C2orf72: variants seen among roughly 807,000 people sequenced by gnomAD.
C2orf72 encodes the protein chromosome 2 open reading frame 72.
Under a neutral mutation model 14.4 loss-of-function variants are expected in C2orf72, and 16 were observed. That is an observed-to-expected ratio of 1.11 (90% CI 0.75 to 1.69). The LOEUF (loss-of-function observed/expected upper bound fraction) is 1.69, where lower values mean the gene tolerates loss of function less well. Among genes scored for constraint, C2orf72 ranks in the 40% most tolerant of loss-of-function variants. C2orf72 has a pLI of 0.00. For missense variants in C2orf72, 371 were observed against 358.3 expected, an observed-to-expected ratio of 1.04 and a Z score of -0.29; for synonymous variants, 168 against 176.8, an observed-to-expected ratio of 0.95 and a Z score of 0.40.
chr2:231,041,957 G>A (rs1250476605), intron 2 of C2orf72, among the ~76,000 whole-genome samples: 1 of 152,142 alleles, frequency 6.6e-6, no homozygotes, highest in Non-Finnish European at 1.5e-5. Context: ...TGTCCCAGAT[G>A]TGCAGCCTTC....
At position 231,038,003 on chromosome 2, in the gene C2orf72, G is replaced by A; in HGVS notation, c.438G>A (p.Leu146=). The A allele has an allele frequency of 9.5e-7, 1 of 1,050,510 alleles. No individual in the cohort carries two copies. Among genetic ancestry groups the A allele is most frequent in the Non-Finnish European group, 1.1e-6 (1 of 875,540 alleles). The allele number at this position is 1,050,510 out of a possible 1,614,324, so 65.1% of individuals were successfully genotyped here. Residue 146 remains leucine, a synonymous_variant, in exon 1 of 3, where the codon CTG becomes CTA. Transcript: ENST00000373640. ...RRAGAALVGV[L]VAEAGPEDAV... is the part of the protein sequence containing the mutation. ...CCGGGGCGGCGCTGGTCGGGGTGCT[G>A]GTGGCCGAGGCCGGGCCAGAGGACG...
Position 231,047,024 on chromosome 2 carries a change from GC to G in C2orf72, c.*4del. ...AGCCCACCGGAGACTCAAGATGAAG[GC>G]TGGACCCTTGCGCTGTCCCTGGCTC... On this transcript the variant is annotated 3_prime_UTR_variant, in exon 3 of 3. Coordinates refer to ENST00000373640, the MANE Select transcript of C2orf72 (RefSeq NM_001144994.2). 6.4e-7 allele frequency: 1 copy of G among 1,551,644 alleles called. No individual in the cohort carries two copies. The highest frequency in any genetic ancestry group is 8.7e-7 in the Non-Finnish European group (1 of 1,146,978).
Position 231,047,266 on chromosome 2 carries a change from T to G in C2orf72, c.*245T>G. On this transcript the variant is annotated 3_prime_UTR_variant, in exon 3 of 3. Transcript: ENST00000373640. ...CTGATCACAGGGAGGTTATTTTGTC[T>G]CTCTGTCTCGGTTTCTCTGAGCCAC... 1 of 592,962 alleles carries G rather than the reference T, an allele frequency of 1.7e-6. No individual in the cohort carries two copies. Among genetic ancestry groups the G allele is most frequent in the Non-Finnish European group, 3.1e-6 (1 of 319,942 alleles). The allele number at this position is 592,962 out of a possible 1,614,324, so 36.7% of individuals were successfully genotyped here.
chr2:231,047,897 T>C lies in C2orf72; in HGVS notation c.*876T>C, dbSNP rs1398577038. ...CCGGTGAGAACAAAGAGCCTCTTTC[T>C]TTCTCATGTTGACATCGACTTTCTG... On this transcript the variant is annotated 3_prime_UTR_variant, in exon 3 of 3. Coordinates refer to ENST00000373640, the MANE Select transcript of C2orf72 (RefSeq NM_001144994.2). 6.6e-6 allele frequency: 1 copy of C among 152,402 alleles called. No homozygotes were observed. Among genetic ancestry groups the C allele is most frequent in the Non-Finnish European group, 1.5e-5 (1 of 68,178 alleles). The allele number at this position is 152,402 out of a possible 1,614,324, so 9.4% of individuals were successfully genotyped here. A position where few individuals can be genotyped will look rare whatever the true frequency, so the allele number is the denominator to read the frequency against.
intron 2 of C2orf72, among the ~76,000 whole-genome samples, chr2:231,046,291 A>AGTGTGTGTGTGT (rs34513584): frequency 2.9e-5 from 4 of 136,278 alleles, no homozygotes; most frequent in South Asian, 2.6e-4. Context: ...ACTTCTATGC[A>AGTGTGTGTGTGT]GTGTGTGTGT....
At chr2:231,046,277 T>A (rs1418191242) in intron 2 of C2orf72, among the ~76,000 whole-genome samples, 2 of 150,666 alleles carry the variant, frequency 1.3e-5, no homozygotes, top group Non-Finnish European at 2.9e-5. Context: ...ATTTCCCCAA[T>A]TTTACTTCTA....
rs1693278932 is a variant in C2orf72 at position 231,037,919 on chromosome 2, CCGGGAGCCGCGGCGCCGCCTG to C, written c.361_381del (p.Pro121_Glu127del). 9.7e-7 allele frequency: 1 copy of C among 1,026,928 alleles called. No homozygotes were observed. Among genetic ancestry groups the C allele is most frequent in the African/African-American group, 1.8e-5 (1 of 56,878 alleles). 63.6% of individuals were successfully genotyped at this position (1,026,928 alleles called of 1,614,324 possible). ...TGTGCCGCGCGTCGTCGCTGGCCGC[CCGGGAGCCGCGGCGCCGCCTG>C]CGGGAGATGCTGCGGGACGTGCGCG... is the stretch of plus-strand genomic sequence containing the variant. On this transcript the variant is annotated inframe_deletion, in exon 1 of 3. Transcript: ENST00000373640.
At chr2:231,041,572 G>A (rs1693340494) in intron 2 of C2orf72, among the ~76,000 whole-genome samples, 163 bp downstream of exon 2, 1 of 152,148 alleles carries the variant, frequency 6.6e-6, no homozygotes, top group South Asian at 2.1e-4. Flanking sequence ...CCATATGCCA[G>A]GCAGTGGGCA....
At chr2:231,040,283 G>T (rs75689244) in intron 1 of C2orf72, among the ~76,000 whole-genome samples, 5,760 of 152,200 alleles carry the variant, frequency 0.038, 282 homozygotes, top group South Asian at 0.19. Context: ...ACATGATTTT[G>T]TTCCCTTGTG....
chr2:231,042,948 G>A (rs1241761819), intron 2 of C2orf72, among the ~76,000 whole-genome samples: 4 of 152,248 alleles, frequency 2.6e-5, no homozygotes, highest in Non-Finnish European at 5.9e-5. Context: ...AGGTTGCAGT[G>A]AGCCAAGGTT....
At chr2:231,046,291 AGTGTGTGTGTGTGT>A (rs34513584) in intron 2 of C2orf72, among the ~76,000 whole-genome samples, 147 of 136,278 alleles carry the variant, frequency 1.1e-3, no homozygotes, top group African/African-American at 1.9e-3. Flanking sequence ...ACTTCTATGC[AGTGTGTGTGTGTGT>A]GTGTGTGTGT....
chr2:231,039,347 T>G (rs917333440), intron 1 of C2orf72, among the ~76,000 whole-genome samples: 2 of 145,346 alleles, frequency 1.4e-5, no homozygotes, highest in African/African-American at 5.0e-5. Context: ...AAAGAGTAGC[T>G]GCATCTGGCA....
intron 2 of C2orf72, among the ~76,000 whole-genome samples, chr2:231,042,268 C>A (rs920453179): frequency 6.6e-6 from 1 of 152,084 alleles, no homozygotes; most frequent in Non-Finnish European, 1.5e-5. Context: ...CGCACTGATC[C>A]CCCCCTTATC....
At position 231,047,072 on chromosome 2, in the gene C2orf72, G is replaced by T. The variant is rs1206419532; in HGVS notation, c.*51G>T. On this transcript the variant is annotated 3_prime_UTR_variant, in exon 3 of 3. Transcript: ENST00000373640. ...GCTCTAACCTACAGACTGGGGCCTG[G>T]CTCCGTCTTACTGGCCCCCAGGTCT... is the stretch of plus-strand genomic sequence containing the variant. 1.3e-6 allele frequency: 2 copies of T among 1,549,598 alleles called. No homozygotes were observed. Among genetic ancestry groups the T allele is most frequent in the Non-Finnish European group, 1.7e-6 (2 of 1,145,498 alleles).
At chr2:231,044,574 T>C (rs1481131496) in intron 2 of C2orf72, among the ~76,000 whole-genome samples, 1 of 152,030 alleles carries the variant, frequency 6.6e-6, no homozygotes, top group Non-Finnish European at 1.5e-5. Context: ...TCTTTTGTAG[T>C]AATACTTGGC....
In C2orf72 at chr2:231,041,296, T is replaced by C; in HGVS notation, c.635T>C (p.Val212Ala). The C allele has an allele frequency of 1.3e-6, 2 of 1,547,908 alleles. No individual in the cohort carries two copies. Among genetic ancestry groups the C allele is most frequent in the Non-Finnish European group, 1.7e-6 (2 of 1,144,630 alleles). Reference sequence around the variant, plus strand: ...GACTCAGGTTTTGTGTTCTTCCTAGTGGAAGGAGCCTGGGAGAGGCCAGGC... The same window carrying C: ...GACTCAGGTTTTGTGTTCTTCCTAGCGGAAGGAGCCTGGGAGAGGCCAGGC... ...ALQAAGAGQPVEGAWERPGLP... is the reference protein window; with the variant it reads ...ALQAAGAGQPAEGAWERPGLP... The change falls in exon 2 of 3, where the codon GTG (valine) becomes GCG (alanine). Residue 212 changes from valine (V) to alanine (A), a missense_variant and splice_region_variant. By Grantham distance (64) the Val-to-Ala change is moderately conservative (BLOSUM62 0). Coordinates refer to ENST00000373640, the MANE Select transcript of C2orf72 (RefSeq NM_001144994.2).
intron 1 of C2orf72, among the ~76,000 whole-genome samples, chr2:231,039,869 A>G (rs571352784): frequency 6.6e-6 from 1 of 151,936 alleles, no homozygotes; most frequent in East Asian, 1.9e-4. Flanking sequence ...CAGCCTCCCA[A>G]GTAGCTAGGA....
intron 2 of C2orf72, among the ~76,000 whole-genome samples, chr2:231,043,166 T>A (rs1693366286): frequency 6.6e-6 from 1 of 152,178 alleles, no homozygotes; most frequent in South Asian, 2.1e-4. Flanking sequence ...CCTCCTTCAA[T>A]CAGCAGGAGA....
chr2:231,045,319 T>C (rs979222086), intron 2 of C2orf72, among the ~76,000 whole-genome samples: 2 of 151,854 alleles, frequency 1.3e-5, no homozygotes, highest in East Asian at 1.9e-4. Flanking sequence ...TACAGTAACA[T>C]AGTCATTTCT....
Sources: gnomAD v4.1 joint callset for allele counts (sites outside exome capture counted in the v4.1 genomes callset) on GRCh38, gnomAD v4.1.1 for gene constraint, MANE v1.5 for transcripts, NCBI Gene and HGNC (gene_info 2026-07-23, HGNC 2026-07-21) for gene names.